FBXL7: variants seen among roughly 807,000 people sequenced by gnomAD.
FBXL7 encodes the protein F-box and leucine rich repeat protein 7.
A neutral mutation model predicts 38.3 loss-of-function variants in FBXL7; 12 were observed. The observed-to-expected ratio is 0.31, with a 90% confidence interval of 0.20 to 0.51. The LOEUF (loss-of-function observed/expected upper bound fraction) is 0.51. FBXL7 is among the 20% of genes least tolerant of loss of function. The probability of loss-of-function intolerance (pLI) is 0.98; values close to 1 mark genes in which losing one functional copy is unlikely to be tolerated. For missense variants in FBXL7, 567 were observed against 676.4 expected, an observed-to-expected ratio of 0.84 and a Z score of 1.79; for synonymous variants, 297 against 300.9, an observed-to-expected ratio of 0.99 and a Z score of 0.13.
intron 2 of FBXL7, among the ~76,000 whole-genome samples, chr5:15,851,623 ATAAAT>A (rs1454985160): frequency 1.3e-5 from 2 of 152,152 alleles, no homozygotes; most frequent in Non-Finnish European, 2.9e-5. Context: ...CTAAATCCAT[ATAAAT>A]TAAATAAATA....
chr5:15,832,659 A>G (rs1413864100), intron 2 of FBXL7, among the ~76,000 whole-genome samples: 1 of 152,064 alleles, frequency 6.6e-6, no homozygotes, highest in Non-Finnish European at 1.5e-5. Flanking sequence ...GTTTGTAGAA[A>G]CTCTCTTTAT....
chr5:15,938,689 C>G lies in FBXL7; in HGVS notation c.*1503C>G. 1 of 244,930 alleles carries G rather than the reference C, an allele frequency of 4.1e-6. No homozygotes were observed. Among genetic ancestry groups the G allele is most frequent in the Non-Finnish European group, 7.7e-6 (1 of 129,322 alleles). 15.2% of individuals were successfully genotyped at this position (244,930 alleles called of 1,614,324 possible). A position where few individuals can be genotyped will look rare whatever the true frequency, so the allele number is the denominator to read the frequency against. On this transcript the variant is annotated 3_prime_UTR_variant, in exon 4 of 4. Transcript: ENST00000504595. ...ATGACTTAGACTCTGGTCCACCAACCAGACCCTTGGAAAGGAATACTAAAA... is the reference window on the plus strand; with the variant it reads ...ATGACTTAGACTCTGGTCCACCAACGAGACCCTTGGAAAGGAATACTAAAA...
chr5:15,632,765 GGAT>G (rs1215731043), intron 2 of FBXL7, among the ~76,000 whole-genome samples: 3 of 152,048 alleles, frequency 2.0e-5, no homozygotes, highest in Non-Finnish European at 4.4e-5. Context: ...AATTAACACA[GGAT>G]CAAAAACCAA....
intron 1 of FBXL7, among the ~76,000 whole-genome samples, chr5:15,568,932 C>A (rs918453110): frequency 1.3e-5 from 2 of 152,086 alleles, no homozygotes; most frequent in African/African-American, 4.8e-5. Context: ...GGGCTCTGTT[C>A]TGTTCCATTG....
chr5:15,545,941 A>G (rs192042128), intron 1 of FBXL7, among the ~76,000 whole-genome samples: 1 of 152,370 alleles, frequency 6.6e-6, no homozygotes, highest in East Asian at 1.9e-4. Flanking sequence ...ACAGGTGGCT[A>G]CTGAACATTT....
intron 1 of FBXL7, among the ~76,000 whole-genome samples, chr5:15,600,634 C>A (rs1343456066): frequency 6.6e-6 from 1 of 152,102 alleles, no homozygotes; most frequent in East Asian, 1.9e-4. Flanking sequence ...GGAAACATAG[C>A]GGGATCTTAA....
At chr5:15,636,240 G>GTATC (rs1313465999) in intron 2 of FBXL7, among the ~76,000 whole-genome samples, 1 of 151,826 alleles carries the variant, frequency 6.6e-6, no homozygotes, top group Admixed American at 6.6e-5. Context: ...ACCACATACT[G>GTATC]TATCTTTCCT....
chr5:15,623,907 G>A (rs1293282462), intron 2 of FBXL7, among the ~76,000 whole-genome samples: 1 of 152,190 alleles, frequency 6.6e-6, no homozygotes, highest in Non-Finnish European at 1.5e-5. Flanking sequence ...TGTATTTCAT[G>A]TAAAATTAGT....
At chr5:15,925,660 C>A (rs1229572261) in intron 2 of FBXL7, among the ~76,000 whole-genome samples, 1 of 152,120 alleles carries the variant, frequency 6.6e-6, no homozygotes, top group Non-Finnish European at 1.5e-5. Context: ...ATCTTGAGAA[C>A]TATAATTAGA....
At chr5:15,918,316 C>G (rs2126440647) in intron 2 of FBXL7, among the ~76,000 whole-genome samples, 1 of 152,132 alleles carries the variant, frequency 6.6e-6, no homozygotes, top group Admixed American at 6.5e-5. Context: ...TTGATAAAAC[C>G]ATGAAGAGTC....
intron 1 of FBXL7, among the ~76,000 whole-genome samples, chr5:15,540,857 A>G (rs1580359448): frequency 6.6e-6 from 1 of 152,070 alleles, no homozygotes; most frequent in Admixed American, 6.5e-5. Context: ...GGGCTCCACC[A>G]TCATGAGCTA....
intron 2 of FBXL7, among the ~76,000 whole-genome samples, chr5:15,730,543 GTTTTA>G (rs754271135): frequency 3.3e-5 from 5 of 152,042 alleles, no homozygotes; most frequent in African/African-American, 4.8e-5. Context: ...AAAATATATT[GTTTTA>G]TTTAAAGACT....
chr5:15,706,860 G>A (rs978882511), intron 2 of FBXL7, among the ~76,000 whole-genome samples: 2 of 152,092 alleles, frequency 1.3e-5, no homozygotes, highest in Non-Finnish European at 2.9e-5. Context: ...GTGGTGGGCA[G>A]GTTGTCTTTG....
intron 2 of FBXL7, among the ~76,000 whole-genome samples, chr5:15,806,648 G>A (rs554204653): frequency 5.9e-5 from 9 of 152,192 alleles, no homozygotes; most frequent in Admixed American, 1.3e-4. Flanking sequence ...GGCTTTTCCC[G>A]TCCAACTTGG....
At chr5:15,581,435 G>A (rs1739137806) in intron 1 of FBXL7, among the ~76,000 whole-genome samples, 2 of 152,134 alleles carry the variant, frequency 1.3e-5, no homozygotes, top group Admixed American at 1.3e-4. Flanking sequence ...CCGCCATACA[G>A]TGCTACTAAT....
At chr5:15,531,130 G>A (rs879672610) in intron 1 of FBXL7, among the ~76,000 whole-genome samples, 43 of 152,124 alleles carry the variant, frequency 2.8e-4, no homozygotes, top group African/African-American at 9.9e-4. Flanking sequence ...GCAAAGCTTC[G>A]AACAATATAT....
intron 2 of FBXL7, among the ~76,000 whole-genome samples, chr5:15,793,853 T>A (rs543322112): frequency 6.6e-6 from 1 of 152,350 alleles, no homozygotes; most frequent in African/African-American, 2.4e-5. Flanking sequence ...CAGTGTGTTG[T>A]CTTACATAAA....
chr5:15,513,458 C>A (rs1736855605), intron 1 of FBXL7, among the ~76,000 whole-genome samples: 1 of 152,134 alleles, frequency 6.6e-6, no homozygotes, highest in African/African-American at 2.4e-5. Context: ...GGAGTTGGAA[C>A]TTGAGGTGAA....
chr5:15,689,048 A>G (rs1743100514), intron 2 of FBXL7, among the ~76,000 whole-genome samples: 1 of 152,196 alleles, frequency 6.6e-6, no homozygotes, highest in South Asian at 2.1e-4. Flanking sequence ...TTGTGAGACC[A>G]TGGGCAGGAC....
Sources: allele counts gnomAD v4.1 joint callset (sites outside exome capture counted in the v4.1 genomes callset), GRCh38; gene constraint gnomAD v4.1.1; transcripts MANE v1.5; gene names NCBI Gene and HGNC (gene_info 2026-07-23, HGNC 2026-07-21).